DIAPH3: variants seen among roughly 807,000 people sequenced by gnomAD.
The protein encoded by DIAPH3 is diaphanous related formin 3.
DIAPH3 carries 117 observed loss-of-function variants against 144.3 expected under a neutral mutation model. The observed-to-expected ratio is 0.81, with a 90% CI of 0.70 to 0.95. The LOEUF (loss-of-function observed/expected upper bound fraction) is 0.95. Ranked by LOEUF, DIAPH3 falls within the 40% of genes least tolerant of loss-of-function variation. The pLI is 0.00. For synonymous variants in DIAPH3, 519 were observed against 488.9 expected (o/e 1.06, Z -0.81); for missense variants, 1,421 against 1,412.7 (o/e 1.01, Z -0.09).
chr13:59,970,858 C>T lies in DIAPH3; in HGVS notation c.1953G>A (p.Trp651Ter). 6.2e-7 allele frequency: 1 copy of T among 1,611,958 alleles called. No homozygotes were observed. The highest frequency in any genetic ancestry group is 8.5e-7 in the Non-Finnish European group (1 of 1,179,268). ...CTCTATTAATTTCTTTTACCTTTAA[C>T]CAATTCAATCTTCTCATGCTGATTT... ...KPEISMRRLN[W>*]LKIRPHEMTE... Residue 651 changes from tryptophan to a stop codon, truncating the protein, a stop_gained, in exon 16 of 28, where the codon TGG becomes TGA. Coordinates refer to ENST00000400324, the MANE Select transcript of DIAPH3 (RefSeq NM_001042517.2). LOFTEE classifies it high-confidence loss of function.
At chr13:59,955,416 C>T (rs541380992) in intron 17 of DIAPH3, among the ~76,000 whole-genome samples, 1 of 152,300 alleles carries the variant, frequency 6.6e-6, no homozygotes, top group East Asian at 1.9e-4. Context: ...CGTGCCTTTA[C>T]TCCTCCTTCA....
chr13:59,775,531 T>A (rs1004214658), intron 25 of DIAPH3, among the ~76,000 whole-genome samples: 1 of 152,208 alleles, frequency 6.6e-6, no homozygotes, highest in Non-Finnish European at 1.5e-5. Context: ...CGTGAGCCAC[T>A]GCACACGGCC....
At position 59,936,220 on chromosome 13, in the gene DIAPH3, G is replaced by C. The variant is rs376950391; in HGVS notation, c.2075-11350C>G. ...CAAAACAATAAAGATTTTTACAAAG[G>C]CTACCTAAAGAATGCTTCCCCTACC... On this transcript the variant is annotated intron_variant, in intron 17 of 27. Coordinates refer to ENST00000400324, the MANE Select transcript of DIAPH3 (RefSeq NM_001042517.2). Among the ~76,000 whole-genome samples, 9 of 152,076 alleles carry C rather than the reference G, an allele frequency of 5.9e-5. No individual in the cohort carries two copies. In the East Asian group the frequency reaches 1.2e-3, roughly 20 times the overall value.
chr13:59,691,654 T>C (rs995266745), intron 27 of DIAPH3, among the ~76,000 whole-genome samples: 1 of 152,082 alleles, frequency 6.6e-6, no homozygotes, highest in Non-Finnish European at 1.5e-5. Flanking sequence ...TTAAAGCATG[T>C]AGAACGAATA....
chr13:59,770,763 C>A (rs1421792951), intron 27 of DIAPH3, among the ~76,000 whole-genome samples: 1 of 152,106 alleles, frequency 6.6e-6, no homozygotes. Flanking sequence ...TTTGTTGCCT[C>A]TAACCTGGCA....
intron 2 of DIAPH3, among the ~76,000 whole-genome samples, chr13:60,130,665 A>T (rs1279792297): frequency 6.6e-6 from 1 of 152,198 alleles, no homozygotes; most frequent in African/African-American, 2.4e-5. Context: ...TTATTAAAAT[A>T]CTCACTATGT....
intron 25 of DIAPH3, 95 bp downstream of exon 25, chr13:59,810,693 T>A: frequency 7.4e-7 from 1 of 1,353,570 alleles, no homozygotes; most frequent in East Asian, 2.4e-5. Flanking sequence ...GTGGTTGTAT[T>A]TTCCTTTTTC....
chr13:59,813,805 A>T (rs1455801903), intron 24 of DIAPH3, among the ~76,000 whole-genome samples: 2 of 150,058 alleles, frequency 1.3e-5, no homozygotes, highest in Non-Finnish European at 3.0e-5. Context: ...GGTTTCAGTG[A>T]GCCGAGATCA....
chr13:59,710,568 T>C (rs1403455503), intron 27 of DIAPH3, among the ~76,000 whole-genome samples: 1 of 152,230 alleles, frequency 6.6e-6, no homozygotes, highest in Non-Finnish European at 1.5e-5. Flanking sequence ...TGGTTAAAAA[T>C]GGCTCTGGCA....
At chr13:59,759,880 G>A (rs754993431) in intron 27 of DIAPH3, among the ~76,000 whole-genome samples, 4 of 152,122 alleles carry the variant, frequency 2.6e-5, no homozygotes, top group Admixed American at 6.6e-5. Context: ...CTGGGAGGCG[G>A]AGGTTGCAGT....
chr13:59,984,889 A>C (rs1255941332), intron 12 of DIAPH3, among the ~76,000 whole-genome samples: 6 of 109,240 alleles, frequency 5.5e-5, no homozygotes, highest in Admixed American at 5.1e-4. Context: ...ATTCTACCAG[A>C]GGTACAAGGA....
intron 17 of DIAPH3, among the ~76,000 whole-genome samples, chr13:59,938,351 G>A (rs1187431753): frequency 6.6e-6 from 1 of 152,164 alleles, no homozygotes; most frequent in Non-Finnish European, 1.5e-5. Flanking sequence ...GCACAGGCCT[G>A]TAATCTCAGC....
intron 1 of DIAPH3, among the ~76,000 whole-genome samples, chr13:60,154,660 G>A (rs1951940538): frequency 6.6e-6 from 1 of 152,112 alleles, no homozygotes; most frequent in South Asian, 2.1e-4. Flanking sequence ...CAATGGTAAG[G>A]TATTTCAATG....
At chr13:59,921,628 T>C (rs2140289332) in intron 18 of DIAPH3, among the ~76,000 whole-genome samples, 1 of 152,110 alleles carries the variant, frequency 6.6e-6, no homozygotes, top group East Asian at 1.9e-4. Flanking sequence ...ATCTAATACA[T>C]TTGCTGCTTA....
At chr13:60,095,272 C>A (rs2058072145) in intron 3 of DIAPH3, among the ~76,000 whole-genome samples, 1 of 152,160 alleles carries the variant, frequency 6.6e-6, no homozygotes, top group Admixed American at 6.5e-5. Flanking sequence ...AATTCAAAGG[C>A]AAGATGGTCG....
At chr13:60,060,586 C>A (rs2056729928) in intron 4 of DIAPH3, among the ~76,000 whole-genome samples, 2 of 152,020 alleles carry the variant, frequency 1.3e-5, no homozygotes, top group South Asian at 2.1e-4. Flanking sequence ...AAAGTCCAAC[C>A]AAAAGAGTTG....
At chr13:60,043,213 G>A (rs1274404637) in intron 4 of DIAPH3, among the ~76,000 whole-genome samples, 1 of 152,118 alleles carries the variant, frequency 6.6e-6, no homozygotes, top group Non-Finnish European at 1.5e-5. Flanking sequence ...AGGCTATTAG[G>A]TATTAATTCA....
intron 7 of DIAPH3, among the ~76,000 whole-genome samples, chr13:60,013,534 A>G (rs191900716): frequency 6.6e-6 from 1 of 152,208 alleles, no homozygotes; most frequent in Non-Finnish European, 1.5e-5. Context: ...CTAACTTTTC[A>G]TCCTTATTAT....
At chr13:60,098,736 C>T (rs965924851) in intron 3 of DIAPH3, among the ~76,000 whole-genome samples, 1 of 152,078 alleles carries the variant, frequency 6.6e-6, no homozygotes, top group African/African-American at 2.4e-5. Context: ...TACTGTGCTA[C>T]CACACTACAT....
Sources: allele counts gnomAD v4.1 joint callset (sites outside exome capture counted in the v4.1 genomes callset), GRCh38; gene constraint gnomAD v4.1.1; transcripts MANE v1.5; gene names NCBI Gene and HGNC (gene_info 2026-07-23, HGNC 2026-07-21).